Variants in DCBLD1 observed in about 807,000 individuals in gnomAD.
The protein encoded by DCBLD1 is discoidin, CUB and LCCL domain-containing protein 1.
Under a neutral mutation model 71.5 loss-of-function variants are expected in DCBLD1, and 57 were observed. That is an observed-to-expected ratio of 0.80 (90% CI 0.64 to 0.99). The LOEUF is 0.99. DCBLD1 is among the 50% of genes least tolerant of loss of function. The pLI, the probability that DCBLD1 is intolerant of heterozygous loss-of-function variation, is 0.00. For synonymous variants in DCBLD1, 380 were observed against 363.8 expected, an observed-to-expected ratio of 1.04 and a Z score of -0.51; for missense variants, 891 against 923.5, an observed-to-expected ratio of 0.96 and a Z score of 0.46.
chr6:117,541,313 CAA>C (rs5879425), intron 11 of DCBLD1, among the ~76,000 whole-genome samples: 1 of 148,764 alleles, frequency 6.7e-6, no homozygotes, highest in African/African-American at 2.5e-5. Flanking sequence ...TGCAGCCATA[CAA>C]AAAAAAAATG....
intron 8 of DCBLD1, 40 bp from the exon 9 acceptor site, chr6:117,539,215 A>G (rs761297176): frequency 1.3e-6 from 2 of 1,485,966 alleles, no homozygotes; most frequent in Non-Finnish European, 1.8e-6. Context: ...ATATTTAACA[A>G]ACTTTTAAAA....
At chr6:117,553,641 G>A (rs1358030088), downstream of DCBLD1, among the ~76,000 whole-genome samples, 1 of 152,056 alleles carries the variant, frequency 6.6e-6, no homozygotes, top group African/African-American at 2.4e-5. Flanking sequence ...GTAGTTTTTA[G>A]TCAGTTATAT....
At position 117,549,304 on chromosome 6, in the gene DCBLD1, G is replaced by A. The variant is rs1248401644; in HGVS notation, c.*865G>A. The A allele has an allele frequency of 4.1e-6, 4 of 985,278 alleles. No individual in the cohort carries two copies. Among genetic ancestry groups the A allele is most frequent in the Non-Finnish European group, 4.8e-6 (4 of 829,942 alleles). The allele number at this position is 985,278 out of a possible 1,614,324, so 61.0% of individuals were successfully genotyped here. A position where few individuals can be genotyped will look rare whatever the true frequency, so the allele number is the denominator to read the frequency against. ...GTAGCACATTTTCGTGACTTCCGCT[G>A]TCCTCTGAAAAACAAAGTTATTTGG... On this transcript the variant is annotated 3_prime_UTR_variant, in exon 15 of 15. Coordinates refer to ENST00000338728, the MANE Select transcript of DCBLD1 (RefSeq NM_001366458.2).
Position 117,567,204 on chromosome 6 carries a change from G to T in DCBLD1, c.1616-2416G>T, listed in dbSNP as rs569063803. Among the ~76,000 whole-genome samples the T allele has an allele frequency of 5.6e-4, 86 of 152,280 alleles. 1 individual carries two copies. Among genetic ancestry groups the T allele is most frequent in the African/African-American group, 1.9e-3 (80 of 41,570 alleles). On this transcript the variant is annotated intron_variant, in intron 14 of 14. Coordinates refer to the DCBLD1 transcript ENST00000296955. ...TCTAAAGAGGTAGTGAGGCCATCATGTCTGATCAGCCTCGTGAATCCTCTC... is the reference window on the plus strand; with the variant it reads ...TCTAAAGAGGTAGTGAGGCCATCATTTCTGATCAGCCTCGTGAATCCTCTC...
rs144769631 is a variant in DCBLD1 at position 117,562,416 on chromosome 6, A to G, written c.1616-7204A>G. The G allele has an allele frequency of 1.5e-3, 294 of 201,224 alleles. 2 individuals carry two copies. In the East Asian group the frequency reaches 0.018, roughly 12 times the overall value. The allele number at this position is 201,224 out of a possible 1,614,324, so 12.5% of individuals were successfully genotyped here. A position where few individuals can be genotyped will look rare whatever the true frequency, so the allele number is the denominator to read the frequency against. ...GACTATCACAAGACAAACTTTATGA[A>G]CAACTCAAAATGTATAAAACTGTCT... On this transcript the variant is annotated intron_variant, in intron 14 of 14. Transcript: ENST00000296955.
chr6:117,498,367 A>G (rs1777536409), intron 1 of DCBLD1, among the ~76,000 whole-genome samples: 1 of 152,176 alleles, frequency 6.6e-6, no homozygotes, highest in Non-Finnish European at 1.5e-5. Flanking sequence ...AGGAAATGAT[A>G]CTTAGTTTAG....
intron 2 of DCBLD1, among the ~76,000 whole-genome samples, chr6:117,512,177 G>C (rs2114459447): frequency 6.6e-6 from 1 of 152,254 alleles, no homozygotes. Flanking sequence ...CATTGGGAGA[G>C]AAGTAATGGC....
chr6:117,494,792 T>G (rs1777416475), intron 1 of DCBLD1: 1 of 152,158 alleles, frequency 6.6e-6, no homozygotes, highest in Admixed American at 6.5e-5. Context: ...CCACGTAAGA[T>G]CTTCAATCCC....
intron 13 of DCBLD1, among the ~76,000 whole-genome samples, chr6:117,544,978 A>G (rs77979057): frequency 0.036 from 5,330 of 146,208 alleles, 122 homozygotes; most frequent in Non-Finnish European, 0.051. Flanking sequence ...GCTGGTGTGC[A>G]GGTTTCAGAT....
chr6:117,563,105 A>T, intron 14 of DCBLD1: 1 of 664,042 alleles, frequency 1.5e-6, no homozygotes, highest in Non-Finnish European at 2.6e-6. Flanking sequence ...TTATGCATTG[A>T]GAATTGTTCA....
At chr6:117,545,949 A>G (rs1448519194) in intron 14 of DCBLD1, among the ~76,000 whole-genome samples, 1 of 152,192 alleles carries the variant, frequency 6.6e-6, no homozygotes, top group Non-Finnish European at 1.5e-5. Flanking sequence ...TCCTGCCCTG[A>G]GGAAGGTGAG....
At chr6:117,537,114 G>C in intron 6 of DCBLD1, 71 bp from the exon 7 acceptor site, 3 of 1,499,162 alleles carry the variant, frequency 2.0e-6, no homozygotes, top group Non-Finnish European at 2.8e-6. Flanking sequence ...TGAGCCCTGG[G>C]ATGTAGCTAT....
chr6:117,528,883 C>G (rs2114513926), intron 5 of DCBLD1, among the ~76,000 whole-genome samples: 1 of 152,264 alleles, frequency 6.6e-6, no homozygotes, highest in East Asian at 1.9e-4. Flanking sequence ...TTCTGTCACC[C>G]AGGCTGGAGT....
Position 117,548,929 on chromosome 6 carries a change from G to T in DCBLD1, c.*490G>T, listed in dbSNP as rs1779370641. On this transcript the variant is annotated 3_prime_UTR_variant, in exon 15 of 15. Transcript: ENST00000338728. The stretch of plus-strand genomic sequence containing the variant: ...AGCAGGTCTGCTTAAACCTAGTCTT[G>T]TTGTTATTGAGTCATTTCCTCTCCT... 4.0e-6 allele frequency: 4 copies of T among 989,856 alleles called. No individual in the cohort carries two copies. The South Asian group carries it at 1.4e-4, about 34-fold the overall frequency. The allele number at this position is 989,856 out of a possible 1,614,324, so 61.3% of individuals were successfully genotyped here. A position where few individuals can be genotyped will look rare whatever the true frequency, so the allele number is the denominator to read the frequency against.
At chr6:117,569,746 A>G in exon 15 of DCBLD1, 1 of 1,568,930 alleles carries the variant, frequency 6.4e-7, no homozygotes, top group Non-Finnish European at 8.6e-7. Flanking sequence ...CCTAACAACA[A>G]CAAAGGGCAG....
intron 11 of DCBLD1, among the ~76,000 whole-genome samples, chr6:117,542,252 A>G (rs1337856602): frequency 2.0e-5 from 3 of 150,958 alleles, no homozygotes; most frequent in Admixed American, 6.6e-5. Context: ...AGATCACACC[A>G]CTGCACTCCA....
At chr6:117,491,474 C>A (rs1423196264) in intron 1 of DCBLD1, among the ~76,000 whole-genome samples, 2 of 152,132 alleles carry the variant, frequency 1.3e-5, no homozygotes, top group African/African-American at 2.4e-5. Context: ...TTTGAGACTT[C>A]AAAATCTATT....
intron 14 of DCBLD1, among the ~76,000 whole-genome samples, chr6:117,556,185 T>TTA (rs1346076875): frequency 1.3e-5 from 2 of 152,230 alleles, no homozygotes; most frequent in Admixed American, 6.5e-5. Context: ...ATTTTCCTTG[T>TTA]TATAGTCCAT....
Position 117,548,092 on chromosome 6 carries a change from G to T in DCBLD1, c.1801G>T (p.Ala601Ser). 6.5e-7 allele frequency: 1 copy of T among 1,549,384 alleles called. No individual in the cohort carries two copies. Among genetic ancestry groups the T allele is most frequent in the Non-Finnish European group, 8.7e-7 (1 of 1,146,378 alleles). ...CCTGGCGCCCCCGGAGCCCGAGTACGCCACGCCCATCGTGGAGCGGCACGT... is the reference window on the plus strand; with the variant it reads ...CCTGGCGCCCCCGGAGCCCGAGTACTCCACGCCCATCGTGGAGCGGCACGT... ...LPLAPPEPEY[A>S]TPIVERHVLR... Residue 601 changes from alanine (A) to serine (S), a missense_variant, in exon 15 of 15, where the codon GCC becomes TCC. By Grantham distance (99) the Ala-to-Ser change is moderately conservative. Transcript: ENST00000338728.
Sources: allele counts gnomAD v4.1 joint callset (sites outside exome capture counted in the v4.1 genomes callset), GRCh38; gene constraint gnomAD v4.1.1; transcripts MANE v1.5; gene names NCBI Gene and HGNC (gene_info 2026-07-23, HGNC 2026-07-21).